LCA5: variants seen among roughly 807,000 people sequenced by gnomAD.
The protein encoded by LCA5 is lebercilin.
Under a neutral mutation model 53.0 loss-of-function variants are expected in LCA5, and 37 were observed. The ratio of observed to expected loss-of-function variants is 0.70; its 90% CI spans 0.54 to 0.92. The LOEUF (loss-of-function observed/expected upper bound fraction) is 0.92. Among genes scored for constraint, LCA5 ranks in the 40% least tolerant of loss-of-function variants. The pLI is 0.00. For missense variants in LCA5, 806 were observed against 790.5 expected (o/e 1.02, Z -0.23); for synonymous variants, 303 against 282.9 (o/e 1.07, Z -0.71).
At chr6:79,535,252 T>A (rs1307267616) in intron 1 of LCA5, among the ~76,000 whole-genome samples, 2 of 152,088 alleles carry the variant, frequency 1.3e-5, no homozygotes, top group African/African-American at 2.4e-5. Context: ...GAAGAATCTC[T>A]ATGTCATTAA....
At chr6:79,509,250 T>C (rs542084947) in intron 3 of LCA5, among the ~76,000 whole-genome samples, 1 of 151,142 alleles carries the variant, frequency 6.6e-6, no homozygotes, top group African/African-American at 2.4e-5. Context: ...AGATCAGGAG[T>C]TCCAGGCCAG....
chr6:79,502,872 TTTTTGTTTTG>T (rs945949889), intron 3 of LCA5, among the ~76,000 whole-genome samples: 3 of 152,072 alleles, frequency 2.0e-5, no homozygotes, highest in African/African-American at 7.2e-5. Flanking sequence ...ATATGATTCT[TTTTTGTTTTG>T]TTTTGTTTTG....
intron 3 of LCA5, among the ~76,000 whole-genome samples, chr6:79,505,490 G>A (rs2127675318): frequency 6.6e-6 from 1 of 152,138 alleles, no homozygotes; most frequent in Admixed American, 6.5e-5. Flanking sequence ...AACACTTTTT[G>A]CATATGAAAG....
At chr6:79,517,582 C>A (rs567051828) in intron 2 of LCA5, among the ~76,000 whole-genome samples, 2 of 151,940 alleles carry the variant, frequency 1.3e-5, no homozygotes, top group Non-Finnish European at 2.9e-5. Context: ...ATAACAACAA[C>A]AACAAAGCAT....
intron 1 of LCA5, among the ~76,000 whole-genome samples, chr6:79,533,570 G>T (rs1178813137): frequency 6.8e-6 from 1 of 147,106 alleles, no homozygotes; most frequent in Non-Finnish European, 1.5e-5. Context: ...TCATCCAAAA[G>T]TAAACTCTCC....
intron 1 of LCA5, among the ~76,000 whole-genome samples, chr6:79,523,563 AC>A (rs1324545178): frequency 6.6e-6 from 1 of 152,274 alleles, no homozygotes; most frequent in Non-Finnish European, 1.5e-5. Context: ...CAATTCAAAC[AC>A]ATATGAGATG....
At chr6:79,488,893 T>G in intron 7 of LCA5, 191 bp downstream of exon 7, 1 of 646,544 alleles carries the variant, frequency 1.5e-6, no homozygotes, top group South Asian at 1.9e-5. Context: ...AGTGTTCAAT[T>G]TTTTTCTTTC....
chr6:79,493,877 G>A (rs1402300992), intron 3 of LCA5, 127 bp from the exon 4 acceptor site: 3 of 663,136 alleles, frequency 4.5e-6, no homozygotes, highest in East Asian at 5.5e-5. Context: ...ACTGGGCATA[G>A]TATTCATGTA....
At chr6:79,516,021 G>A (rs1225002047) in intron 2 of LCA5, among the ~76,000 whole-genome samples, 2 of 151,872 alleles carry the variant, frequency 1.3e-5, no homozygotes, top group African/African-American at 4.8e-5. Flanking sequence ...ACTGGATTTT[G>A]AGCACTTGAT....
rs550436505 is a variant in LCA5 at position 79,492,165 on chromosome 6, C to T, written c.955+386G>A. 3.2e-4 allele frequency among the ~76,000 whole-genome samples: 48 copies of T among 151,920 alleles called. No individual in the cohort carries two copies. The Middle Eastern group carries it at 0.017, about 55-fold the overall frequency. On this transcript the variant is annotated intron_variant, in intron 5 of 7. Coordinates refer to ENST00000369846, the MANE Select transcript of LCA5 (RefSeq NM_001122769.3). ...GACAGCTAAGATTTACTTTATAATA[C>T]TCTGGAGAAAAGTAAAAAAACAGAT...
At chr6:79,507,932 G>A (rs540619724) in intron 3 of LCA5, among the ~76,000 whole-genome samples, 23 of 152,222 alleles carry the variant, frequency 1.5e-4, no homozygotes, top group Admixed American at 2.6e-4. Context: ...ATTTGCTGGC[G>A]CTGGATCTCT....
At chr6:79,525,303 G>A (rs1056632247) in intron 1 of LCA5, 89 of 152,296 alleles carry the variant, frequency 5.8e-4, no homozygotes, top group African/African-American at 2.0e-3. Flanking sequence ...GAAAGGAAAT[G>A]AGACCACTCC....
intron 3 of LCA5, among the ~76,000 whole-genome samples, chr6:79,496,151 C>A (rs1769977491): frequency 6.6e-6 from 1 of 152,192 alleles, no homozygotes; most frequent in South Asian, 2.1e-4. Context: ...ATTTATCTAT[C>A]AGAATGTCTT....
In LCA5 at chr6:79,486,837, A is replaced by G. The variant is rs866826887; in HGVS notation, c.*167T>C. On this transcript the variant is annotated 3_prime_UTR_variant, in exon 8 of 8. Transcript: ENST00000369846. Reference sequence around the variant, plus strand: ...CTCCTTCATTCTTGGCAAACTATCTATGTGGTGTATGTATGATCTACTTCT... The same window carrying G: ...CTCCTTCATTCTTGGCAAACTATCTGTGTGGTGTATGTATGATCTACTTCT... 7 of 567,314 alleles carry G rather than the reference A, an allele frequency of 1.2e-5. No homozygotes were observed. The African/African-American group carries it at 1.3e-4, about 11-fold the overall frequency. The allele number at this position is 567,314 out of a possible 1,614,324, so 35.1% of individuals were successfully genotyped here.
chr6:79,515,899 T>C (rs1052764823), intron 2 of LCA5, among the ~76,000 whole-genome samples: 2 of 152,072 alleles, frequency 1.3e-5, no homozygotes, highest in Admixed American at 6.6e-5. Context: ...GCTTAATTAT[T>C]GCAACTTTGA....
chr6:79,520,090 A>C (rs1766583250), intron 1 of LCA5, among the ~76,000 whole-genome samples: 1 of 152,138 alleles, frequency 6.6e-6, no homozygotes, highest in African/African-American at 2.4e-5. Context: ...TTGATACAAT[A>C]ATTTCTGGAC....
At chr6:79,487,901 T>C (rs1007554726) in intron 7 of LCA5, 35 bp from the exon 8 acceptor site, 4 of 1,494,298 alleles carry the variant, frequency 2.7e-6, no homozygotes, top group Admixed American at 3.6e-5. Flanking sequence ...TGGGATTTTG[T>C]AACAGTCAAT....
intron 3 of LCA5, among the ~76,000 whole-genome samples, chr6:79,501,060 C>G (rs1770125459): frequency 6.6e-6 from 1 of 152,090 alleles, no homozygotes. Context: ...AGTGGCCATA[C>G]AATTATAGGT....
intron 4 of LCA5, among the ~76,000 whole-genome samples, chr6:79,492,921 T>C (rs1482447570): frequency 1.3e-5 from 2 of 152,090 alleles, no homozygotes; most frequent in Non-Finnish European, 2.9e-5. Context: ...GAGCTAGTAC[T>C]GTCTTAACTG....
Sources: allele counts gnomAD v4.1 joint callset (sites outside exome capture counted in the v4.1 genomes callset), GRCh38; gene constraint gnomAD v4.1.1; transcripts MANE v1.5; gene names NCBI Gene and HGNC (gene_info 2026-07-23, HGNC 2026-07-21).